ARHGAP15: variants seen among roughly 807,000 people sequenced by gnomAD.
ARHGAP15 encodes rho GTPase-activating protein 15.
In ARHGAP15, 51 loss-of-function variants were observed where a neutral mutation model predicts 63.7. That is an observed-to-expected ratio of 0.80 (90% confidence interval 0.64 to 1.01). The LOEUF is 1.01. Ranked by LOEUF, ARHGAP15 falls within the 50% of genes least tolerant of loss-of-function variation. The probability of loss-of-function intolerance (pLI) is 0.00; values close to 1 mark genes in which losing one functional copy is unlikely to be tolerated. For missense variants in ARHGAP15, 560 were observed against 564.6 expected, an observed-to-expected ratio of 0.99 and a Z score of 0.08; for synonymous variants, 191 against 193.8, an observed-to-expected ratio of 0.99 and a Z score of 0.12.
In ARHGAP15 at chr2:143,612,195, C is replaced by T. The variant is rs949362477; in HGVS notation, c.1004-11938C>T. ...GTTCTCATTACATTTCATCATTCAC[C>T]TTTGCACTGGTCATAATGAAGCCTC... On this transcript the variant is annotated intron_variant, in intron 11 of 13. Coordinates refer to ENST00000295095, the MANE Select transcript of ARHGAP15 (RefSeq NM_018460.4). Among the ~76,000 whole-genome samples the T allele has an allele frequency of 2.6e-5, 4 of 152,194 alleles. 1 individual carries two copies. Among genetic ancestry groups the T allele is most frequent in the African/African-American group, 9.6e-5 (4 of 41,452 alleles).
At chr2:143,522,783 G>A (rs139757475) in intron 10 of ARHGAP15, among the ~76,000 whole-genome samples, 5 of 152,268 alleles carry the variant, frequency 3.3e-5, no homozygotes, top group Admixed American at 3.3e-4. Flanking sequence ...CTGGGCCATG[G>A]GTTGGGAAAG....
intron 12 of ARHGAP15, among the ~76,000 whole-genome samples, chr2:143,636,102 G>A (rs565638434): frequency 1.3e-5 from 2 of 152,062 alleles, no homozygotes; most frequent in Non-Finnish European, 1.5e-5. Context: ...TGTCCAGCAG[G>A]TGAAAGGTTG....
chr2:143,138,718 C>A (rs1418743708), intron 1 of ARHGAP15, among the ~76,000 whole-genome samples: 1 of 152,028 alleles, frequency 6.6e-6, no homozygotes, highest in Non-Finnish European at 1.5e-5. Flanking sequence ...AATACGGTAG[C>A]AACTAGCACA....
At chr2:143,226,178 A>G (rs1279938886) in intron 4 of ARHGAP15, among the ~76,000 whole-genome samples, 2 of 152,232 alleles carry the variant, frequency 1.3e-5, no homozygotes, top group Non-Finnish European at 2.9e-5. Context: ...CAAAGTCCTT[A>G]TAAAGAACAA....
chr2:143,763,357 A>T (rs1346519182), intron 13 of ARHGAP15, among the ~76,000 whole-genome samples: 2 of 152,126 alleles, frequency 1.3e-5, no homozygotes, highest in Non-Finnish European at 2.9e-5. Flanking sequence ...TTATAACAGC[A>T]TTAATACATT....
At chr2:143,313,900 G>A (rs967364952) in intron 6 of ARHGAP15, among the ~76,000 whole-genome samples, 1 of 151,148 alleles carries the variant, frequency 6.6e-6, no homozygotes, top group Admixed American at 6.6e-5. Flanking sequence ...ATTGTACAAA[G>A]TATATTTTTA....
chr2:143,590,830 G>A (rs1158631225), intron 11 of ARHGAP15, among the ~76,000 whole-genome samples: 4 of 151,934 alleles, frequency 2.6e-5, no homozygotes, highest in Non-Finnish European at 5.9e-5. Context: ...TTATTAATTG[G>A]CAAAAAATTA....
intron 6 of ARHGAP15, among the ~76,000 whole-genome samples, chr2:143,258,100 A>G (rs919287758): frequency 6.6e-6 from 1 of 152,114 alleles, no homozygotes; most frequent in Non-Finnish European, 1.5e-5. Context: ...ATGGTATCAC[A>G]TTTTACAGCT....
chr2:143,255,989 G>A (rs900199608), intron 6 of ARHGAP15, among the ~76,000 whole-genome samples: 12 of 152,176 alleles, frequency 7.9e-5, no homozygotes, highest in Non-Finnish European at 1.5e-4. Context: ...AGAACACATG[G>A]GTCTGGGGAT....
At chr2:143,142,401 CT>C (rs1289867858) in intron 1 of ARHGAP15, among the ~76,000 whole-genome samples, 6 of 152,002 alleles carry the variant, frequency 3.9e-5, no homozygotes, top group African/African-American at 1.4e-4. Context: ...CATTTAGGTC[CT>C]TGTTGTGTCT....
chr2:143,626,234 T>A (rs933739402), intron 12 of ARHGAP15, among the ~76,000 whole-genome samples: 4 of 152,188 alleles, frequency 2.6e-5, no homozygotes, highest in Admixed American at 6.5e-5. Flanking sequence ...AAGAAAGTCT[T>A]TCAAAAATGT....
chr2:143,242,160 C>T (rs2104950356), intron 5 of ARHGAP15, among the ~76,000 whole-genome samples: 1 of 152,276 alleles, frequency 6.6e-6, no homozygotes, highest in East Asian at 1.9e-4. Context: ...TGCAAAGTGG[C>T]ATTTCATCTA....
chr2:143,407,342 T>C (rs781051827), intron 6 of ARHGAP15, among the ~76,000 whole-genome samples: 1 of 151,896 alleles, frequency 6.6e-6, no homozygotes, highest in Non-Finnish European at 1.5e-5. Context: ...AATATTTCTG[T>C]GATTTTATTT....
intron 4 of ARHGAP15, among the ~76,000 whole-genome samples, chr2:143,224,335 A>G (rs1418299593): frequency 1.3e-5 from 2 of 152,214 alleles, no homozygotes; most frequent in Non-Finnish European, 2.9e-5. Flanking sequence ...CGAACAGCAA[A>G]CATAAAGCAG....
intron 11 of ARHGAP15, among the ~76,000 whole-genome samples, chr2:143,582,979 G>T (rs946570997): frequency 6.6e-6 from 1 of 152,186 alleles, no homozygotes; most frequent in Non-Finnish European, 1.5e-5. Flanking sequence ...GGAACACTCA[G>T]ATGGGAACTG....
At chr2:143,172,616 T>G (rs376087734) in intron 2 of ARHGAP15, among the ~76,000 whole-genome samples, 1 of 152,000 alleles carries the variant, frequency 6.6e-6, no homozygotes, top group Non-Finnish European at 1.5e-5. Context: ...GGGTTCGATG[T>G]AGGTAGAAAG....
chr2:143,217,142 A>T (rs900879772), intron 4 of ARHGAP15, among the ~76,000 whole-genome samples: 1 of 152,188 alleles, frequency 6.6e-6, no homozygotes, highest in Non-Finnish European at 1.5e-5. Flanking sequence ...TTGAGAGACA[A>T]GGCATTTACT....
At chr2:143,415,711 T>C (rs1169943287) in intron 6 of ARHGAP15, among the ~76,000 whole-genome samples, 1 of 152,122 alleles carries the variant, frequency 6.6e-6, no homozygotes, top group Non-Finnish European at 1.5e-5. Flanking sequence ...ATTGCAAAAA[T>C]GTGGAACCAA....
At chr2:143,411,575 T>C (rs1688447869) in intron 6 of ARHGAP15, among the ~76,000 whole-genome samples, 1 of 152,218 alleles carries the variant, frequency 6.6e-6, no homozygotes, top group Admixed American at 6.5e-5. Flanking sequence ...GTTCATCTTT[T>C]TCTTGTGTAC....
Sources: gnomAD v4.1 joint callset for allele counts (sites outside exome capture counted in the v4.1 genomes callset) on GRCh38, gnomAD v4.1.1 for gene constraint, MANE v1.5 for transcripts, NCBI Gene and HGNC (gene_info 2026-07-23, HGNC 2026-07-21) for gene names.